NIM1K: variants seen among roughly 807,000 people sequenced by gnomAD.
NIM1K encodes the protein serine/threonine-protein kinase NIM1.
Under a neutral mutation model 37.1 loss-of-function variants are expected in NIM1K, and 35 were observed. That is an observed-to-expected ratio of 0.94 (90% CI 0.72 to 1.25). The LOEUF is 1.25. Among genes scored for constraint, NIM1K ranks in the 50% most tolerant of loss-of-function variants. NIM1K has a pLI of 0.00. For synonymous variants in NIM1K, 234 were observed against 206.6 expected, an observed-to-expected ratio of 1.13 and a Z score of -1.14; for missense variants, 564 against 548.0, an observed-to-expected ratio of 1.03 and a Z score of -0.29.
intron 2 of NIM1K, among the ~76,000 whole-genome samples, chr5:43,248,916 C>T (rs549644478): frequency 1.6e-4 from 24 of 151,582 alleles, no homozygotes; most frequent in African/African-American, 4.1e-4. Flanking sequence ...ACCTTGTCAC[C>T]GAGGCTGGAG....
chr5:43,198,193 TTCTTTCTTTCTTTCTCTTTCTTTC>T (rs1751953925), intron 1 of NIM1K, among the ~76,000 whole-genome samples: 2 of 57,032 alleles, frequency 3.5e-5, no homozygotes, highest in Non-Finnish European at 3.5e-5. Context: ...CTTTCTTTCT[TTCTTTCTTTCTTTCTCTTTCTTTC>T]TTTCTTTCTT....
At chr5:43,218,082 G>A (rs1371713006) in intron 1 of NIM1K, among the ~76,000 whole-genome samples, 1 of 151,788 alleles carries the variant, frequency 6.6e-6, no homozygotes, top group Non-Finnish European at 1.5e-5. Flanking sequence ...CTCCATCTGA[G>A]CTCACTGCAA....
intron 1 of NIM1K, among the ~76,000 whole-genome samples, chr5:43,224,747 G>A (rs537790040): frequency 5.9e-4 from 87 of 146,828 alleles, no homozygotes; most frequent in African/African-American, 2.1e-3. Context: ...CCCAGGCTTG[G>A]GGGCAGTGGC....
At chr5:43,265,475 T>C (rs1413995780) in intron 2 of NIM1K, among the ~76,000 whole-genome samples, 1 of 152,232 alleles carries the variant, frequency 6.6e-6, no homozygotes, top group Non-Finnish European at 1.5e-5. Context: ...CATCAGGTCA[T>C]TTAAGGTCTT....
At chr5:43,266,130 C>A (rs932533945) in intron 2 of NIM1K, among the ~76,000 whole-genome samples, 4 of 152,164 alleles carry the variant, frequency 2.6e-5, no homozygotes, top group African/African-American at 9.7e-5. Flanking sequence ...CTGGGAGAAC[C>A]ACTACTCTCT....
At chr5:43,237,739 A>G (rs558238936) in intron 1 of NIM1K, among the ~76,000 whole-genome samples, 1 of 152,324 alleles carries the variant, frequency 6.6e-6, no homozygotes, top group East Asian at 1.9e-4. Context: ...AAATACCCAT[A>G]GATACACACA....
intron 1 of NIM1K, among the ~76,000 whole-genome samples, chr5:43,215,556 C>G (rs1368705989): frequency 2.0e-5 from 3 of 152,194 alleles, no homozygotes; most frequent in Non-Finnish European, 4.4e-5. Context: ...GCCTCATCAT[C>G]CTGAGTAGCT....
intron 1 of NIM1K, chr5:43,233,283 T>G: frequency 2.0e-6 from 1 of 503,912 alleles, no homozygotes; most frequent in Non-Finnish European, 3.4e-6. Flanking sequence ...TATTATTTTC[T>G]TTCCTTCTTC....
intron 1 of NIM1K, among the ~76,000 whole-genome samples, chr5:43,240,104 C>G (rs183914122): frequency 6.6e-6 from 1 of 151,906 alleles, no homozygotes; most frequent in African/African-American, 2.4e-5. Context: ...GACAGAGTCT[C>G]GCTCTGTTGC....
chr5:43,209,297 TGG>T lies in NIM1K; in HGVS notation c.-695+16888_-695+16889del, dbSNP rs1752170460. Among the ~76,000 whole-genome samples, 8 of 152,296 alleles carry T rather than the reference TGG, an allele frequency of 5.3e-5. 1 individual carries two copies. The South Asian group carries it at 1.7e-3, about 32-fold the overall frequency. ...TACCCGCATTTGAGGTATGCTTCAC[TGG>T]GAGCCGTAAGAGTGTTGTGCAAAAG... On this transcript the variant is annotated intron_variant, in intron 1 of 3. Transcript: ENST00000326035.
At chr5:43,199,929 G>A (rs1751994109) in intron 1 of NIM1K, among the ~76,000 whole-genome samples, 1 of 152,200 alleles carries the variant, frequency 6.6e-6, no homozygotes, top group African/African-American at 2.4e-5. Flanking sequence ...AGGCTGGAGT[G>A]CAATGGTGTG....
At chr5:43,252,646 G>A (rs1208196125) in intron 2 of NIM1K, among the ~76,000 whole-genome samples, 3 of 151,856 alleles carry the variant, frequency 2.0e-5, no homozygotes, top group African/African-American at 7.3e-5. Flanking sequence ...TCCAATATGG[G>A]TCCCTGCTGG....
At chr5:43,239,910 A>G (rs1028322293) in intron 1 of NIM1K, among the ~76,000 whole-genome samples, 1 of 152,096 alleles carries the variant, frequency 6.6e-6, no homozygotes, top group Non-Finnish European at 1.5e-5. Context: ...ATGTTTCACC[A>G]GAAGTCCTGA....
intron 2 of NIM1K, among the ~76,000 whole-genome samples, chr5:43,250,193 T>C (rs890371389): frequency 7.2e-5 from 11 of 152,088 alleles, no homozygotes; most frequent in Admixed American, 6.6e-4. Flanking sequence ...TCACTGTTGC[T>C]CCATGAACAC....
chr5:43,253,216 G>GAA (rs763670217), intron 2 of NIM1K, among the ~76,000 whole-genome samples: 3 of 63,324 alleles, frequency 4.7e-5, no homozygotes, highest in East Asian at 2.7e-4. Flanking sequence ...TAATATATGT[G>GAA]TGTGTGTGTG....
chr5:43,227,023 C>G (rs1752467205), intron 1 of NIM1K, among the ~76,000 whole-genome samples: 1 of 152,164 alleles, frequency 6.6e-6, no homozygotes, highest in African/African-American at 2.4e-5. Flanking sequence ...ATTTGGGGCA[C>G]AGATAATCCG....
intron 1 of NIM1K, chr5:43,192,900 G>A (rs1751853814): frequency 6.6e-6 from 1 of 152,310 alleles, no homozygotes. Context: ...TACAAGGGCA[G>A]AAGACCGGCG....
rs558515418 is a variant in NIM1K, at chr5:43,226,451, T to C, written c.-694-18631T>C. Reference sequence around the variant, plus strand: ...TGGGATTTGCTGACAGATTGGTGTATGAGAGAGAAAGAGGAGTGAGGATGT... The same window carrying C: ...TGGGATTTGCTGACAGATTGGTGTACGAGAGAGAAAGAGGAGTGAGGATGT... On this transcript the variant is annotated intron_variant, in intron 1 of 3. Transcript: ENST00000326035. Among the ~76,000 whole-genome samples, 9 of 152,284 alleles carry C rather than the reference T, an allele frequency of 5.9e-5. No homozygotes were observed. In the South Asian group the frequency reaches 1.9e-3, roughly 32 times the overall value.
chr5:43,213,289 CCTTTTCTTTTCTTTTCTTTT>C (rs1172681240), intron 1 of NIM1K, among the ~76,000 whole-genome samples: 2 of 37,816 alleles, frequency 5.3e-5, no homozygotes, highest in Admixed American at 4.5e-4. Flanking sequence ...TGTTTCCTTT[CCTTTTCTTTTCTTTTCTTTT>C]CTTTTCTTTT....
Sources: gnomAD v4.1 joint callset for allele counts (sites outside exome capture counted in the v4.1 genomes callset) on GRCh38, gnomAD v4.1.1 for gene constraint, MANE v1.5 for transcripts, NCBI Gene and HGNC (gene_info 2026-07-23, HGNC 2026-07-21) for gene names.